The following THSD4 variants were observed in gnomAD, a reference collection of about 807,000 sequenced individuals.
THSD4 encodes the protein thrombospondin type-1 domain-containing protein 4.
A neutral mutation model predicts 119.0 loss-of-function variants in THSD4; 69 were observed. That is an observed-to-expected ratio of 0.58 (90% CI 0.48 to 0.71). THSD4 has a LOEUF of 0.71. Ranked by LOEUF, THSD4 falls within the 30% of genes least tolerant of loss-of-function variation. The pLI, the probability that THSD4 is intolerant of heterozygous loss-of-function variation, is 0.00. For synonymous variants in THSD4, 524 were observed against 540.4 expected (o/e 0.97, Z 0.42); for missense variants, 1,393 against 1,391.1 (o/e 1.00, Z -0.02).
chr15:71,504,834 G>A (rs536009643), intron 7 of THSD4, among the ~76,000 whole-genome samples: 1 of 152,170 alleles, frequency 6.6e-6, no homozygotes, highest in South Asian at 2.1e-4. Flanking sequence ...TCTATTCCAG[G>A]AGCTAACCCA....
intron 6 of THSD4, among the ~76,000 whole-genome samples, chr15:71,265,723 G>C (rs4777354): frequency 0.9 from 137,025 of 152,114 alleles, 61,837 homozygotes; most frequent in East Asian, 1. Context: ...TTCTCGCTGC[G>C]CGCACAGCAG....
At chr15:71,323,885 C>T (rs1372756523) in intron 6 of THSD4, among the ~76,000 whole-genome samples, 1 of 152,106 alleles carries the variant, frequency 6.6e-6, no homozygotes, top group South Asian at 2.1e-4. Context: ...CCATGTTTTC[C>T]AGTGATATAA....
At chr15:71,122,673 G>A (rs922085138) in intron 1 of THSD4, among the ~76,000 whole-genome samples, 4 of 152,136 alleles carry the variant, frequency 2.6e-5, no homozygotes, top group Non-Finnish European at 4.4e-5. Context: ...TGCCACCTAA[G>A]CAGGGTTCCC....
At chr15:71,440,525 T>C (rs8036534) in intron 7 of THSD4, among the ~76,000 whole-genome samples, 141,802 of 152,288 alleles carry the variant, frequency 0.93, 66,095 homozygotes, top group East Asian at 1. Context: ...CCCCTCAGAA[T>C]GAGGCTAGAG....
At chr15:71,327,341 T>C (rs2045359690) in intron 6 of THSD4, among the ~76,000 whole-genome samples, 1 of 152,156 alleles carries the variant, frequency 6.6e-6, no homozygotes, top group African/African-American at 2.4e-5. Flanking sequence ...TCCTGTCAGC[T>C]AAACCTTAGC....
intron 6 of THSD4, among the ~76,000 whole-genome samples, chr15:71,378,624 G>C (rs758470220): frequency 1.3e-5 from 2 of 152,210 alleles, no homozygotes; most frequent in South Asian, 2.1e-4. Flanking sequence ...CAGTTGCACT[G>C]TTCCACTCCA....
chr15:71,552,865 C>A (rs1206069294), intron 7 of THSD4, among the ~76,000 whole-genome samples: 3 of 152,132 alleles, frequency 2.0e-5, no homozygotes, highest in African/African-American at 7.2e-5. Context: ...AACTCCTGAC[C>A]TCAAGTGATC....
At chr15:71,428,769 C>A (rs776144741) in intron 7 of THSD4, among the ~76,000 whole-genome samples, 1 of 152,180 alleles carries the variant, frequency 6.6e-6, no homozygotes, top group Non-Finnish European at 1.5e-5. Flanking sequence ...AGGGCCCCAA[C>A]AGGAAATAAC....
intron 3 of THSD4, chr15:71,164,953 G>A (rs16973767): frequency 1.2e-4 from 193 of 1,593,344 alleles, no homozygotes; most frequent in Non-Finnish European, 1.4e-4. Flanking sequence ...TATCCTTTTC[G>A]TATTTTTCCT....
In THSD4 at chr15:71,780,613, C is replaced by T. The variant is rs774813522; in HGVS notation, c.*3239C>T. On this transcript the variant is annotated 3_prime_UTR_variant, in exon 18 of 18. Transcript: ENST00000261862. Reference sequence around the variant, plus strand: ...GTTCCGTAAAGGTATGCTCAGTGCCCGCTGCCTGCAAGCTGTTGGGGACCC... The same window carrying T: ...GTTCCGTAAAGGTATGCTCAGTGCCTGCTGCCTGCAAGCTGTTGGGGACCC... The T allele has an allele frequency of 2.4e-5, 11 of 455,710 alleles. No individual in the cohort carries two copies. Among genetic ancestry groups the T allele is most frequent in the East Asian group, 1.4e-4 (2 of 14,410 alleles). 28.2% of individuals were successfully genotyped at this position (455,710 alleles called of 1,614,324 possible). A position where few individuals can be genotyped will look rare whatever the true frequency, so the allele number is the denominator to read the frequency against.
intron 6 of THSD4, among the ~76,000 whole-genome samples, chr15:71,346,672 A>G (rs11638695): frequency 0.99 from 150,911 of 152,186 alleles, 74,832 homozygotes; most frequent in Middle Eastern, 1. Context: ...CAAAATCTGG[A>G]CAATAAATGT....
At chr15:71,199,460 GGTGT>G (rs2043749331) in intron 3 of THSD4, among the ~76,000 whole-genome samples, 1 of 138,188 alleles carries the variant, frequency 7.2e-6, no homozygotes, top group Admixed American at 7.2e-5. Context: ...TGTGGGGGGG[GGTGT>G]GTGTGTGTGG....
rs559090868 is a variant in THSD4, at chr15:71,360,229, G to A, written c.1016-51458G>A. On this transcript the variant is annotated intron_variant, in intron 6 of 17. Transcript: ENST00000261862. ...TTCCTCACAACATGGTGGTCTTAGA[G>A]TAGTCAAATTTCCTACATGGCAGCC... Among the ~76,000 whole-genome samples, 6 of 152,270 alleles carry A rather than the reference G, an allele frequency of 3.9e-5. No individual in the cohort carries two copies. In the South Asian group the frequency reaches 6.2e-4, roughly 16 times the overall value.
At chr15:71,607,116 A>C (rs1208526416) in intron 7 of THSD4, among the ~76,000 whole-genome samples, 1 of 152,198 alleles carries the variant, frequency 6.6e-6, no homozygotes, top group African/African-American at 2.4e-5. Flanking sequence ...ATGCTCTGAC[A>C]CTGGCTGACA....
rs1596289163 is a variant in THSD4 at position 71,245,632 on chromosome 15, A to C, written c.912+2536A>C. On this transcript the variant is annotated intron_variant, in intron 5 of 17. Transcript: ENST00000261862. ...GGACTTGCTTAATTCCTCTGCAATG[A>C]CTTGTTATAACATGTAAAAGTTCTA... is the stretch of plus-strand genomic sequence containing the variant. Among the ~76,000 whole-genome samples the C allele has an allele frequency of 3.9e-5, 6 of 152,304 alleles. 1 individual carries two copies. In the South Asian group the frequency reaches 1.2e-3, roughly 32 times the overall value.
intron 6 of THSD4, among the ~76,000 whole-genome samples, chr15:71,356,442 C>T (rs1484722247): frequency 6.6e-6 from 1 of 152,186 alleles, no homozygotes; most frequent in Admixed American, 6.5e-5. Context: ...GGAATGGAAG[C>T]TCTTTGAGGA....
Position 71,463,246 on chromosome 15 carries a change from A to G in THSD4, c.1152+51423A>G, listed in dbSNP as rs1049856512. 2.6e-5 allele frequency among the ~76,000 whole-genome samples: 4 copies of G among 152,154 alleles called. No homozygotes were observed. The East Asian group carries it at 7.7e-4, about 29-fold the overall frequency. The stretch of plus-strand genomic sequence containing the variant: ...CTTCATCATATTAGTTATTTCTCCC[A>G]GCGTTGTGTCATCTGCAGTTTTGAT... On this transcript the variant is annotated intron_variant, in intron 7 of 17. Coordinates refer to ENST00000261862, the MANE Select transcript of THSD4 (RefSeq NM_024817.3).
At chr15:71,540,701 A>G (rs2048747887) in intron 7 of THSD4, among the ~76,000 whole-genome samples, 1 of 129,106 alleles carries the variant, frequency 7.7e-6, no homozygotes, top group Admixed American at 8.8e-5. Flanking sequence ...TGCTGGGATT[A>G]CAGGCATGAG....
chr15:71,757,756 A>T, intron 14 of THSD4, 146 bp from the exon 15 acceptor site: 1 of 946,826 alleles, frequency 1.1e-6, no homozygotes, highest in Non-Finnish European at 1.6e-6. Context: ...ATAATGGAGT[A>T]GGCTATGCAC....
Sources: gnomAD v4.1 joint callset for allele counts (sites outside exome capture counted in the v4.1 genomes callset) on GRCh38, gnomAD v4.1.1 for gene constraint, MANE v1.5 for transcripts, NCBI Gene and HGNC (gene_info 2026-07-23, HGNC 2026-07-21) for gene names.